Variants in CUX2 observed in about 807,000 individuals in gnomAD.
CUX2 encodes the protein cut like homeobox 2.
CUX2 carries 40 observed loss-of-function variants against 144.8 expected under a neutral mutation model. The ratio of observed to expected loss-of-function variants is 0.28; its 90% CI spans 0.21 to 0.36. CUX2 has a LOEUF of 0.36. Ranked by LOEUF, CUX2 falls within the 10% of genes least tolerant of loss-of-function variation. The pLI is 1.00. For synonymous variants in CUX2, 827 were observed against 875.6 expected (o/e 0.94, Z 0.98); for missense variants, 1,615 against 1,994.0 (o/e 0.81, Z 3.62).
At position 111,246,793 on chromosome 12, in the gene CUX2, G is replaced by A. The variant is rs1024709847; in HGVS notation, c.223-16968G>A. ...AATCAACGGCCTGCCTCTCTTGTGT[G>A]AGCCTGTGCCTCTTCCTCCTTGAAG... On this transcript the variant is annotated intron_variant, in intron 3 of 21. Coordinates refer to ENST00000261726, the MANE Select transcript of CUX2 (RefSeq NM_015267.4). The surrounding 1 kb of genome is among the most constrained non-coding windows in gnomAD (Gnocchi z 4.0). Among the ~76,000 whole-genome samples, 3 of 152,086 alleles carry A rather than the reference G, an allele frequency of 2.0e-5. No homozygotes were observed. The highest frequency in any genetic ancestry group is 7.2e-5 in the African/African-American group (3 of 41,408).
chr12:111,247,541 C>G (rs1883336362), intron 3 of CUX2, among the ~76,000 whole-genome samples: 1 of 152,218 alleles, frequency 6.6e-6, no homozygotes, highest in South Asian at 2.1e-4. Context: ...CAGCACAGGG[C>G]TGAGAGAGCA....
chr12:111,297,552 T>A lies in CUX2; in HGVS notation c.705-989T>A, dbSNP rs562046495. On this transcript the variant is annotated intron_variant, in intron 8 of 21. Transcript: ENST00000261726. The stretch of plus-strand genomic sequence containing the variant: ...CCTTTGCTCTGGGCCCCTGGGACTG[T>A]CCCCGCTCCCCAGCTCCACACTCCA... Among the ~76,000 whole-genome samples, 27 of 152,252 alleles carry A rather than the reference T, an allele frequency of 1.8e-4. No individual in the cohort carries two copies. In the South Asian group the frequency reaches 5.4e-3, roughly 30 times the overall value.
intron 1 of CUX2, 100 bp from the exon 2 acceptor site, chr12:111,214,100 G>A: frequency 1.8e-6 from 1 of 558,664 alleles, no homozygotes; most frequent in Non-Finnish European, 3.0e-6. Flanking sequence ...AAGAAAACTT[G>A]TTCAGAATGC....
chr12:111,169,149 C>T (rs907346393), intron 1 of CUX2, among the ~76,000 whole-genome samples: 2 of 152,052 alleles, frequency 1.3e-5, no homozygotes, highest in Non-Finnish European at 2.9e-5. Context: ...TTGTACTTGT[C>T]AAAAGGCCAC....
In CUX2 at chr12:111,279,371, A is replaced by G. The variant is rs141100262; in HGVS notation, c.302-12047A>G. On this transcript the variant is annotated intron_variant, in intron 4 of 21. Coordinates refer to ENST00000261726, the MANE Select transcript of CUX2 (RefSeq NM_015267.4). ...TGTATTGAGTCCATTGCCACATGTT[A>G]TGGTTTGAATTGTGTCCTCCAGAAA... is the stretch of plus-strand genomic sequence containing the variant. Among the ~76,000 whole-genome samples, 568 of 152,280 alleles carry G rather than the reference A, an allele frequency of 3.7e-3. 4 individuals are homozygous for G. The highest frequency in any genetic ancestry group is 0.013 in the African/African-American group (531 of 41,558).
At chr12:111,223,375 G>A (rs992638862) in intron 3 of CUX2, among the ~76,000 whole-genome samples, 66 of 152,234 alleles carry the variant, frequency 4.3e-4, no homozygotes, top group African/African-American at 8.9e-4. Context: ...ACCCTGCCCC[G>A]ATGACAGCCA....
intron 4 of CUX2, among the ~76,000 whole-genome samples, chr12:111,291,154 C>T (rs545252267): frequency 3.9e-5 from 6 of 152,234 alleles, no homozygotes; most frequent in Admixed American, 1.3e-4. Context: ...CATGAGCCAC[C>T]GCACCCGGCC....
At chr12:111,285,184 A>G (rs1238333046) in intron 4 of CUX2, among the ~76,000 whole-genome samples, 1 of 152,162 alleles carries the variant, frequency 6.6e-6, no homozygotes, top group Non-Finnish European at 1.5e-5. Flanking sequence ...TGTATCCATC[A>G]GGGTTCTTTA....
intron 18 of CUX2, among the ~76,000 whole-genome samples, chr12:111,327,831 C>A (rs763340346): frequency 6.6e-6 from 1 of 152,062 alleles, no homozygotes; most frequent in African/African-American, 2.4e-5. Flanking sequence ...CTAAAGCAGG[C>A]GGATCACTTG....
At chr12:111,154,476 C>A (rs116440386) in intron 1 of CUX2, among the ~76,000 whole-genome samples, 1 of 152,110 alleles carries the variant, frequency 6.6e-6, no homozygotes, top group African/African-American at 2.4e-5. Flanking sequence ...GAAGGCCAGC[C>A]GGGCCACCTT....
At chr12:111,341,335 C>A (rs1888564634) in intron 20 of CUX2, among the ~76,000 whole-genome samples, 1 of 152,122 alleles carries the variant, frequency 6.6e-6, no homozygotes, top group South Asian at 2.1e-4. Context: ...GTGGTTCACA[C>A]CTGTAATCCC....
rs1026334296 is a variant in CUX2, at chr12:111,171,095, G to A, written c.64-43105G>A. The stretch of plus-strand genomic sequence containing the variant: ...AGAGTGGCGTTGGCATCCAAGGAGA[G>A]AATAGGTGCTGGTAACACCTGGAGT... On this transcript the variant is annotated intron_variant, in intron 1 of 21. Coordinates refer to ENST00000261726, the MANE Select transcript of CUX2 (RefSeq NM_015267.4). The surrounding 1 kb of genome is among the most constrained non-coding windows in gnomAD (Gnocchi z 5.0). Among the ~76,000 whole-genome samples the A allele has an allele frequency of 6.6e-6, 1 of 152,148 alleles. No homozygotes were observed. Among genetic ancestry groups the A allele is most frequent in the Admixed American group, 6.5e-5 (1 of 15,276 alleles).
chr12:111,124,181 C>G (rs1209857009), intron 1 of CUX2, among the ~76,000 whole-genome samples: 1 of 152,148 alleles, frequency 6.6e-6, no homozygotes, highest in Admixed American at 6.5e-5. Context: ...TCTGAAGGTT[C>G]CTTGAAAATC....
In CUX2 at chr12:111,199,773, T is replaced by C. The variant is rs750211257; in HGVS notation, c.64-14427T>C. Among the ~76,000 whole-genome samples, 14 of 152,140 alleles carry C rather than the reference T, an allele frequency of 9.2e-5. No homozygotes were observed. In the South Asian group the frequency reaches 1.5e-3, roughly 16 times the overall value. Reference sequence around the variant, plus strand: ...GTCCCGGCGTCCCTGTATCTATGTTTGTACGTGTGTTTCTGTGTGTTTGTG... The same window carrying C: ...GTCCCGGCGTCCCTGTATCTATGTTCGTACGTGTGTTTCTGTGTGTTTGTG... On this transcript the variant is annotated intron_variant, in intron 1 of 21. Coordinates refer to ENST00000261726, the MANE Select transcript of CUX2 (RefSeq NM_015267.4).
rs1884938081 is a variant in CUX2, at chr12:111,277,534, A to G, written c.301+13695A>G. On this transcript the variant is annotated intron_variant, in intron 4 of 21. Coordinates refer to ENST00000261726, the MANE Select transcript of CUX2 (RefSeq NM_015267.4). The surrounding 1 kb of genome is among the most constrained non-coding windows in gnomAD (Gnocchi z 5.0). Reference sequence around the variant, plus strand: ...CTGCCCATTTAGCGCCACCCAGCCCACCCTCTCCCCCAGCCCTGCTTCATT... The same window carrying G: ...CTGCCCATTTAGCGCCACCCAGCCCGCCCTCTCCCCCAGCCCTGCTTCATT... Among the ~76,000 whole-genome samples the G allele has an allele frequency of 6.7e-6, 1 of 149,240 alleles. No homozygotes were observed. Among genetic ancestry groups the G allele is most frequent in the Non-Finnish European group, 1.5e-5 (1 of 67,356 alleles).
chr12:111,133,150 A>G (rs1198483292), intron 1 of CUX2, among the ~76,000 whole-genome samples: 8 of 152,136 alleles, frequency 5.3e-5, no homozygotes, highest in African/African-American at 1.9e-4. Flanking sequence ...CCATTCAACA[A>G]GTCTCTAGGA....
intron 1 of CUX2, among the ~76,000 whole-genome samples, chr12:111,133,684 G>A (rs1269933056): frequency 5.3e-5 from 8 of 152,264 alleles, no homozygotes; most frequent in Non-Finnish European, 1.2e-4. Context: ...ATTCAGTCTA[G>A]TTACAAGTCT....
intron 4 of CUX2, among the ~76,000 whole-genome samples, chr12:111,273,179 CAGAG>C (rs1884709792): frequency 6.6e-6 from 1 of 152,144 alleles, no homozygotes; most frequent in Non-Finnish European, 1.5e-5. Flanking sequence ...GCAGAGGCCT[CAGAG>C]AGGGAGGCCT....
chr12:111,249,454 T>G lies in CUX2; in HGVS notation c.223-14307T>G, dbSNP rs540753786. 1.1e-3 allele frequency among the ~76,000 whole-genome samples: 160 copies of G among 143,714 alleles called. 1 individual carries two copies. The highest frequency in any genetic ancestry group is 3.5e-3 in the Middle Eastern group (1 of 286). 94.3% of individuals were successfully genotyped at this position (143,714 alleles called of 152,430 possible). On this transcript the variant is annotated intron_variant, in intron 3 of 21. Coordinates refer to ENST00000261726, the MANE Select transcript of CUX2 (RefSeq NM_015267.4). ...AATAGACCCTTTTTTTGTTTTTTTT[T>G]TTTTTTTTTTAGTGGGGTTGGAGAC... is the stretch of plus-strand genomic sequence containing the variant.
Sources: allele counts gnomAD v4.1 joint callset (sites outside exome capture counted in the v4.1 genomes callset), GRCh38; gene constraint gnomAD v4.1.1; non-coding constraint Gnocchi (gnomAD v3.1); transcripts MANE v1.5; gene names NCBI Gene and HGNC (gene_info 2026-07-23, HGNC 2026-07-21).